The following PTBP1 variants were observed in gnomAD, a reference collection of about 807,000 sequenced individuals.
The protein encoded by PTBP1 is polypyrimidine tract binding protein 1, also known as polypyrimidine tract-binding protein 1.
In PTBP1, 8 loss-of-function variants were observed where a neutral mutation model predicts 59.8. The observed-to-expected ratio is 0.13, with a 90% CI of 0.08 to 0.24. The LOEUF is 0.24. Among genes scored for constraint, PTBP1 ranks in the 10% least tolerant of loss-of-function variants. The pLI is 1.00. For synonymous variants in PTBP1, 490 were observed against 320.7 expected, an observed-to-expected ratio of 1.53 and a Z score of -5.64; for missense variants, 686 against 767.0, an observed-to-expected ratio of 0.89 and a Z score of 1.25.
rs201688587 is a variant in PTBP1 at position 805,202 on chromosome 19, G to C, written c.892+15G>C. 1.2e-6 allele frequency: 2 copies of C among 1,611,932 alleles called. No homozygotes were observed. The highest frequency in any genetic ancestry group is 2.7e-5 in the African/African-American group (2 of 74,908). ...CGCGGCCTTCGGTAAGAGGCTGCCC[G>C]ACGCGGCGCCAGTGTGCAGAGTGGT... On this transcript the variant is annotated intron_variant, in intron 8 of 14. Coordinates refer to ENST00000356948, the MANE Select transcript of PTBP1 (RefSeq NM_002819.5).
chr19:805,306 C>T, intron 8 of PTBP1, 119 bp downstream of exon 8: 5 of 1,278,572 alleles, frequency 3.9e-6, no homozygotes, highest in Non-Finnish European at 4.4e-6. Context: ...CTGCTCTCTG[C>T]ACGGCCAGCA....
At chr19:805,281 A>T in intron 8 of PTBP1, 94 bp downstream of exon 8, 1 of 1,429,146 alleles carries the variant, frequency 7.0e-7, no homozygotes, top group Non-Finnish European at 9.6e-7. Flanking sequence ...GCCCTGCACC[A>T]GGGTGATGCA....
Position 808,285 on chromosome 19 carries a change from G to T in PTBP1, c.1154-75G>T, listed in dbSNP as rs2034670964. The T allele has an allele frequency of 7.8e-7, 1 of 1,274,444 alleles. No homozygotes were observed. The highest frequency in any genetic ancestry group is 1.5e-5 in the African/African-American group (1 of 67,608). 78.9% of individuals were successfully genotyped at this position (1,274,444 alleles called of 1,614,324 possible). On this transcript the variant is annotated intron_variant, in intron 11 of 14. Transcript: ENST00000356948. The surrounding 1 kb of genome is among the most constrained non-coding windows in gnomAD (Gnocchi z 4.7). ...GCTGAGCCGGGCCTTGTGGGGGTGCGCGGGGCCGGGGCTGACGGGGAGATG... is the reference window on the plus strand; with the variant it reads ...GCTGAGCCGGGCCTTGTGGGGGTGCTCGGGGCCGGGGCTGACGGGGAGATG...
At position 812,106 on chromosome 19, in the gene PTBP1, C is replaced by T. The variant is rs2034909961; in HGVS notation, c.*1280C>T. On this transcript the variant is annotated 3_prime_UTR_variant, in exon 15 of 15. Transcript: ENST00000356948. ...ACACAAATGTATATTTTGCTAACAG[C>T]AATTCCAGGCTCAGTATTGTGACCG... 2 of 152,406 alleles carry T rather than the reference C, an allele frequency of 1.3e-5. No individual in the cohort carries two copies. Among genetic ancestry groups the T allele is most frequent in the Admixed American group, 6.5e-5 (1 of 15,282 alleles). The allele number at this position is 152,406 out of a possible 1,614,324, so 9.4% of individuals were successfully genotyped here.
At chr19:802,767 C>T (rs2145036996) in intron 2 of PTBP1, among the ~76,000 whole-genome samples, 1 of 152,350 alleles carries the variant, frequency 6.6e-6, no homozygotes, top group East Asian at 1.9e-4. Flanking sequence ...TCAATCCTTG[C>T]AGCGGGGGGG....
Position 806,052 on chromosome 19 carries a change from C to T in PTBP1, c.971-356C>T, listed in dbSNP as rs780978616. 6 of 259,732 alleles carry T rather than the reference C, an allele frequency of 2.3e-5. No individual in the cohort carries two copies. In the East Asian group the frequency reaches 4.6e-4, roughly 20 times the overall value. The allele number at this position is 259,732 out of a possible 1,614,324, so 16.1% of individuals were successfully genotyped here. A position where few individuals can be genotyped will look rare whatever the true frequency, so the allele number is the denominator to read the frequency against. The stretch of plus-strand genomic sequence containing the variant: ...GCGTGCCGCCCGGCGGCCGCCTCGT[C>T]TGCATGGAGGCATGGGCGCGCATGC... On this transcript the variant is annotated intron_variant, in intron 9 of 14. Coordinates refer to ENST00000356948, the MANE Select transcript of PTBP1 (RefSeq NM_002819.5).
chr19:805,631 G>A lies in PTBP1; in HGVS notation c.970+62G>A, dbSNP rs377359636. Reference sequence around the variant, plus strand: ...CATGCCCACACCACCTTCCCAGGCAGCTCCGCATCCACGGCGGCAGCCTGG... The same window carrying A: ...CATGCCCACACCACCTTCCCAGGCAACTCCGCATCCACGGCGGCAGCCTGG... On this transcript the variant is annotated intron_variant, in intron 9 of 14. Transcript: ENST00000356948. 8 of 1,413,386 alleles carry A rather than the reference G, an allele frequency of 5.7e-6. No individual in the cohort carries two copies. In the African/African-American group the frequency reaches 9.9e-5, roughly 17 times the overall value. 87.6% of individuals were successfully genotyped at this position (1,413,386 alleles called of 1,614,324 possible).
At position 804,021 on chromosome 19, in the gene PTBP1, G is replaced by A. The variant is rs1317650137; in HGVS notation, c.116-15G>A. On this transcript the variant is annotated splice_polypyrimidine_tract_variant and intron_variant, in intron 3 of 14. Coordinates refer to ENST00000356948, the MANE Select transcript of PTBP1 (RefSeq NM_002819.5). ...TGCGAGTTGGTGCCTGCATCTCATG[G>A]CACCCCCTTTTCAGCAAACGGAAAT... 4.3e-6 allele frequency: 7 copies of A among 1,613,618 alleles called. No homozygotes were observed. Among genetic ancestry groups the A allele is most frequent in the Non-Finnish European group, 5.9e-6 (7 of 1,179,978 alleles).
chr19:805,459 G>T, intron 8 of PTBP1, 33 bp from the exon 9 acceptor site: 1 of 1,580,720 alleles, frequency 6.3e-7, no homozygotes, highest in Non-Finnish European at 8.7e-7. Context: ...TGGAGGTTGT[G>T]GGTGCGATGA....
rs558616248 is a variant in PTBP1, at chr19:808,828, C to G, written c.1463+66C>G. The G allele has an allele frequency of 2.7e-6, 4 of 1,455,814 alleles. No homozygotes were observed. In the South Asian group the frequency reaches 3.6e-5, roughly 13 times the overall value. The allele number at this position is 1,455,814 out of a possible 1,614,324, so 90.2% of individuals were successfully genotyped here. On this transcript the variant is annotated intron_variant, in intron 13 of 14. Transcript: ENST00000356948. This position sits in a 1 kb window ranked among gnomAD's most constrained non-coding sequence, Gnocchi z 4.7. Reference sequence around the variant, plus strand: ...CAAGGGCTCTGCTTGGCTGTCCTACCGCGTCGGTGTGTGGACTTCTGGCGT... The same window carrying G: ...CAAGGGCTCTGCTTGGCTGTCCTACGGCGTCGGTGTGTGGACTTCTGGCGT...
chr19:803,738 G>A (rs1434696204), intron 3 of PTBP1, 102 bp downstream of exon 3: 8 of 1,104,438 alleles, frequency 7.2e-6, no homozygotes, highest in Non-Finnish European at 1.1e-5. Flanking sequence ...CCAACTGCAG[G>A]GGCCCATGGT....
Position 804,590 on chromosome 19 carries a change from C to G in PTBP1, c.494C>G (p.Ala165Gly), listed in dbSNP as rs546374295. The G allele has an allele frequency of 1.7e-5, 28 of 1,611,218 alleles. No individual in the cohort carries two copies. Among genetic ancestry groups the G allele is most frequent in the African/African-American group, 5.3e-5 (4 of 74,930 alleles). Residue 165 changes from alanine (A) to glycine (G), a missense_variant, in exon 6 of 15, where the codon GCT (alanine) becomes GGT (glycine). Transcript: ENST00000356948. The stretch of plus-strand genomic sequence containing the variant: ...GTCCAGTCGGGGAACCTGGCCTTGG[C>G]TGCCTCGGCGGCGGCCGTGGACGCA... ...NSVQSGNLAL[A>G]ASAAAVDAGM...
At chr19:809,481 C>T (rs528126005) in intron 13 of PTBP1, among the ~76,000 whole-genome samples, 194 of 152,084 alleles carry the variant, frequency 1.3e-3, no homozygotes, top group Middle Eastern at 3.4e-3. Flanking sequence ...CCAGCACGCC[C>T]GGCTAATTTT....
In PTBP1 at chr19:811,764, C is replaced by G. The variant is rs915754509; in HGVS notation, c.*938C>G. The stretch of plus-strand genomic sequence containing the variant: ...GGGGCGGGCGTGTCGCCGCCTCTGG[C>G]ATCGCCTCCGGTTGCCTTACACCAC... On this transcript the variant is annotated 3_prime_UTR_variant, in exon 15 of 15. Coordinates refer to ENST00000356948, the MANE Select transcript of PTBP1 (RefSeq NM_002819.5). The G allele has an allele frequency of 1.0e-4, 16 of 152,574 alleles. No individual in the cohort carries two copies. The highest frequency in any genetic ancestry group is 3.6e-4 in the African/African-American group (15 of 41,598). 9.5% of individuals were successfully genotyped at this position (152,574 alleles called of 1,614,324 possible).
Position 808,508 on chromosome 19 carries a change from CT to C in PTBP1, c.1247-37del. ...GGGGCAGGGGCGGGGGCTGCGTTCC[CT>C]CTCGGGCGCCTGGTCACGCGGGTGC... On this transcript the variant is annotated intron_variant, in intron 12 of 14. Transcript: ENST00000356948. This position sits in a 1 kb window ranked among gnomAD's most constrained non-coding sequence, Gnocchi z 4.7. 6.4e-7 allele frequency: 1 copy of C among 1,559,302 alleles called. No individual in the cohort carries two copies.
rs1315805687 is a variant in PTBP1 at position 808,473 on chromosome 19, C to CG, written c.1246+25dup. On this transcript the variant is annotated intron_variant, in intron 12 of 14. Coordinates refer to ENST00000356948, the MANE Select transcript of PTBP1 (RefSeq NM_002819.5). The surrounding 1 kb of genome is among the most constrained non-coding windows in gnomAD (Gnocchi z 4.7). The stretch of plus-strand genomic sequence containing the variant: ...GCTGGGTAAGAGGCCGGGGCGGCCC[C>CG]GGGGTGGAGGGGGCAGGGGCGGGGG... The CG allele has an allele frequency of 1.3e-6, 2 of 1,550,174 alleles. No individual in the cohort carries two copies. The highest frequency in any genetic ancestry group is 1.8e-6 in the Non-Finnish European group (2 of 1,140,766).
intron 9 of PTBP1, 67 bp from the exon 10 acceptor site, chr19:806,341 G>T: frequency 6.7e-7 from 1 of 1,497,004 alleles, no homozygotes. Context: ...GACGGGGAGC[G>T]TCGGCCTCTC....
Position 808,147 on chromosome 19 carries a change from G to A in PTBP1, c.1154-213G>A. The A allele has an allele frequency of 1.6e-6, 1 of 631,804 alleles. No homozygotes were observed. The highest frequency in any genetic ancestry group is 1.9e-5 in the South Asian group (1 of 51,522). 39.1% of individuals were successfully genotyped at this position (631,804 alleles called of 1,614,324 possible). A position where few individuals can be genotyped will look rare whatever the true frequency, so the allele number is the denominator to read the frequency against. On this transcript the variant is annotated intron_variant, in intron 11 of 14. Transcript: ENST00000356948. This position sits in a 1 kb window ranked among gnomAD's most constrained non-coding sequence, Gnocchi z 4.7. ...CATATGCCACCGTGGCCACCCGCTG[G>A]CAGCTTACCTGTCCTGGATGCTATG...
chr19:797,604 C>A, intron 1 of PTBP1, 99 bp downstream of exon 1: 2 of 834,416 alleles, frequency 2.4e-6, no homozygotes, highest in Non-Finnish European at 3.2e-6. Flanking sequence ...CGCCCCCTCT[C>A]GGGCGGGAGG....
Sources: gnomAD v4.1 joint callset for allele counts (sites outside exome capture counted in the v4.1 genomes callset) on GRCh38, gnomAD v4.1.1 for gene constraint, Gnocchi (gnomAD v3.1) non-coding constraint, MANE v1.5 for transcripts, NCBI Gene and HGNC (gene_info 2026-07-23, HGNC 2026-07-21) for gene names.